NLRP1: variants seen among roughly 807,000 people sequenced by gnomAD.
NLRP1 encodes the protein NACHT, LRR and PYD domains-containing protein 1.
NLRP1 carries 94 observed loss-of-function variants against 136.7 expected under a neutral mutation model. That is an observed-to-expected ratio of 0.69 (90% CI 0.58 to 0.82). NLRP1 has a LOEUF of 0.82. NLRP1 is among the 40% of genes least tolerant of loss of function. The pLI, the probability that NLRP1 is intolerant of heterozygous loss-of-function variation, is 0.00. For missense variants in NLRP1, 1,575 were observed against 1,802.7 expected (o/e 0.87, Z 2.29); for synonymous variants, 690 against 725.1 (o/e 0.95, Z 0.78).
intron 5 of NLRP1, among the ~76,000 whole-genome samples, chr17:5,545,511 CAT>C (rs1912528036): frequency 1.2e-4 from 17 of 142,528 alleles, no homozygotes; most frequent in Admixed American, 2.1e-4. Flanking sequence ...CACACACACA[CAT>C]ACACACACAG....
chr17:5,548,781 CCTT>C (rs1174885417), intron 5 of NLRP1, among the ~76,000 whole-genome samples: 1 of 152,208 alleles, frequency 6.6e-6, no homozygotes, highest in African/African-American at 2.4e-5. Context: ...CTGCTGACCT[CCTT>C]GAGACCCTCT....
At position 5,542,020 on chromosome 17, in the gene NLRP1, C is replaced by T; in HGVS notation, c.2536G>A (p.Gly846Ser). 1 of 1,613,110 alleles carries T rather than the reference C, an allele frequency of 6.2e-7. No individual in the cohort carries two copies. Among genetic ancestry groups the T allele is most frequent in the East Asian group, 2.2e-5 (1 of 44,838 alleles). ...RCLLETLRLA[G>S]CGLTAEDCKD... ...CAGTCCTCAGCTGTGAGGCCACAGC[C>T]AGCCAACCTGTGGAAGACACACACC... Residue 846 changes from glycine to serine, a missense_variant, in exon 6 of 17, where the codon GGC becomes AGC. Physicochemically the swap from Gly to Ser is moderately conservative, Grantham distance 56. Transcript: ENST00000572272.
intron 15 of NLRP1, among the ~76,000 whole-genome samples, chr17:5,506,343 A>G (rs1455021645): frequency 1.3e-5 from 2 of 151,928 alleles, no homozygotes; most frequent in African/African-American, 2.4e-5. Flanking sequence ...TTCTCCTTCC[A>G]TTACTCTATC....
intron 13 of NLRP1, 51 bp from the exon 14 acceptor site, chr17:5,521,063 G>A (rs1295892060): frequency 2.0e-6 from 3 of 1,532,762 alleles, no homozygotes; most frequent in Admixed American, 2.0e-5. Context: ...CCCGTGGAAT[G>A]TGGTTTGAAT....
intron 5 of NLRP1, among the ~76,000 whole-genome samples, chr17:5,548,955 T>C (rs898903125): frequency 3.3e-5 from 5 of 152,232 alleles, no homozygotes; most frequent in African/African-American, 1.2e-4. Context: ...CCGTGAATTT[T>C]AGAATCAGCT....
At chr17:5,534,020 T>G in intron 8 of NLRP1, 32 bp from the exon 9 acceptor site, 2 of 1,493,872 alleles carry the variant, frequency 1.3e-6, no homozygotes, top group Non-Finnish European at 1.9e-6. Flanking sequence ...CTGCCTAAGA[T>G]CTTGGAGGAA....
rs1471920882 is a variant in NLRP1 at position 5,504,757 on chromosome 17, C to A, written c.4070-2885G>T. On this transcript the variant is annotated intron_variant, in intron 15 of 15. Coordinates refer to the NLRP1 transcript ENST00000262467. This position sits in a 1 kb window ranked among gnomAD's most constrained non-coding sequence, Gnocchi z 4.4. ...CAGCTACCCACCCCAGGCTTGCTCA[C>A]CATCAAAGACTGTGCCCTGTTAGCC... 1 of 152,562 alleles carries A rather than the reference C, an allele frequency of 6.6e-6. No individual in the cohort carries two copies. The highest frequency in any genetic ancestry group is 2.4e-5 in the African/African-American group (1 of 41,454). The allele number at this position is 152,562 out of a possible 1,614,324, so 9.5% of individuals were successfully genotyped here. A position where few individuals can be genotyped will look rare whatever the true frequency, so the allele number is the denominator to read the frequency against.
chr17:5,545,925 C>T (rs902050901), intron 5 of NLRP1, among the ~76,000 whole-genome samples: 20 of 152,316 alleles, frequency 1.3e-4, no homozygotes, highest in African/African-American at 4.8e-4. Flanking sequence ...ATGTGCCTCT[C>T]TTGGGGCTTT....
chr17:5,558,884 G>T lies in NLRP1; in HGVS notation c.1812C>A (p.Phe604Leu), dbSNP rs985147027. ...GCTCTTGAAGAATACCCATCTTCAA[G>T]AAGGTGGAGATGATGGCCCCATCTA... Reference protein sequence around the residue: ...HGLDGAIISTFLKMGILQEHP... With the variant: ...HGLDGAIISTLLKMGILQEHP... The change falls in exon 4 of 17, where the codon TTC becomes TTA. Residue 604 changes from phenylalanine to leucine, a missense_variant. Phe to Leu is a conservative substitution (Grantham distance 22). Transcript: ENST00000572272. 3 of 1,614,044 alleles carry T rather than the reference G, an allele frequency of 1.9e-6. No individual in the cohort carries two copies. The African/African-American group carries it at 4.0e-5, about 22-fold the overall frequency.
intron 8 of NLRP1, among the ~76,000 whole-genome samples, chr17:5,535,653 C>G (rs2151763948): frequency 6.6e-6 from 1 of 152,314 alleles, no homozygotes; most frequent in African/African-American, 2.4e-5. Flanking sequence ...CTGCTGTGTC[C>G]TTAGATCCCC....
intron 15 of NLRP1, among the ~76,000 whole-genome samples, chr17:5,508,026 C>T (rs1457230445): frequency 6.6e-6 from 1 of 152,062 alleles, no homozygotes; most frequent in Non-Finnish European, 1.5e-5. Flanking sequence ...CCTAGCTACT[C>T]AGGAGGCTGA....
At chr17:5,512,293 A>C, downstream of NLRP1, 1 of 1,520,624 alleles carries the variant, frequency 6.6e-7, no homozygotes, top group South Asian at 1.1e-5. Context: ...TTCTCCACAG[A>C]CAAAACATTC....
chr17:5,514,893 T>C lies in NLRP1; in HGVS notation c.4283A>G (p.Lys1428Arg). ...AENTRPSQMR[K>R]LFSLSQSWDR... is the part of the protein sequence containing the mutation. ...CCAGGACTGGCTCAAGCTGAACAGC[T>C]TCCGCATCTGGCTGGGCCTCGTGTT... The change falls in exon 17 of 17, where the codon AAG (lysine) becomes AGG (arginine). Residue 1428 changes from lysine to arginine, a missense_variant. By Grantham distance (26) the Lys-to-Arg change is conservative. Coordinates refer to ENST00000572272, the MANE Select transcript of NLRP1 (RefSeq NM_033004.4). 1.2e-6 allele frequency: 2 copies of C among 1,614,180 alleles called. No homozygotes were observed. Among genetic ancestry groups the C allele is most frequent in the East Asian group, 2.2e-5 (1 of 44,868 alleles).
chr17:5,511,870 CT>C (rs1907663409), downstream of NLRP1, among the ~76,000 whole-genome samples: 1 of 147,122 alleles, frequency 6.8e-6, no homozygotes, highest in African/African-American at 2.5e-5. Flanking sequence ...TTTTCTTTCT[CT>C]CTCTTCTTTC....
chr17:5,533,663 C>A (rs1260089766), intron 9 of NLRP1, among the ~76,000 whole-genome samples: 1 of 148,300 alleles, frequency 6.7e-6, no homozygotes, highest in Non-Finnish European at 1.5e-5. Context: ...GGGTTTGATA[C>A]ATGCCATAGA....
At chr17:5,568,974 AC>A (rs1367359224) in intron 3 of NLRP1, among the ~76,000 whole-genome samples, 1 of 149,722 alleles carries the variant, frequency 6.7e-6, no homozygotes, top group Non-Finnish European at 1.5e-5. Context: ...CCCCGTGGCC[AC>A]CTACCACTAT....
At position 5,526,165 on chromosome 17, in the gene NLRP1, A is replaced by C. The variant is rs537999530; in HGVS notation, c.3520+4316T>G. ...AATTCTTCAATATTTTTTTGTGGAG[A>C]TGGGGTCTCACTATGTTGCCCAGGC... is the stretch of plus-strand genomic sequence containing the variant. On this transcript the variant is annotated intron_variant, in intron 12 of 16. Coordinates refer to ENST00000572272, the MANE Select transcript of NLRP1 (RefSeq NM_033004.4). Among the ~76,000 whole-genome samples, 13 of 151,976 alleles carry C rather than the reference A, an allele frequency of 8.6e-5. No individual in the cohort carries two copies. The South Asian group carries it at 2.7e-3, about 32-fold the overall frequency.
intron 9 of NLRP1, 149 bp downstream of exon 9, chr17:5,533,748 T>C (rs35913493): frequency 0.049 from 32,288 of 664,798 alleles, 941 homozygotes; most frequent in Middle Eastern, 0.081. Flanking sequence ...TTCCTAGGAG[T>C]GGGAGCTCTC....
chr17:5,562,125 C>T (rs1914828960), intron 3 of NLRP1, among the ~76,000 whole-genome samples: 2 of 152,240 alleles, frequency 1.3e-5, no homozygotes, highest in South Asian at 4.1e-4. Context: ...CCTGTGGTAG[C>T]CAGATGGGCC....
Sources: gnomAD v4.1 joint callset for allele counts (sites outside exome capture counted in the v4.1 genomes callset) on GRCh38, gnomAD v4.1.1 for gene constraint, Gnocchi (gnomAD v3.1) non-coding constraint, MANE v1.5 for transcripts, NCBI Gene and HGNC (gene_info 2026-07-23, HGNC 2026-07-21) for gene names.